PSMA1: variants seen among roughly 807,000 people sequenced by gnomAD.
PSMA1 encodes the protein proteasome 20S subunit alpha 1, also known as proteasome subunit alpha type-1.
Under a neutral mutation model 38.4 loss-of-function variants are expected in PSMA1, and 3 were observed. The ratio of observed to expected loss-of-function variants is 0.08; its 90% CI spans 0.04 to 0.20. The LOEUF is 0.20. Among genes scored for constraint, PSMA1 ranks in the 10% least tolerant of loss-of-function variants. PSMA1 has a pLI of 1.00. For missense variants in PSMA1, 227 were observed against 325.3 expected (o/e 0.70, Z 2.32); for synonymous variants, 101 against 107.1 (o/e 0.94, Z 0.35).
chr11:14,616,256 CAG>C (rs1378436388), intron 1 of PSMA1, among the ~76,000 whole-genome samples: 2 of 124,866 alleles, frequency 1.6e-5, no homozygotes, highest in Non-Finnish European at 3.2e-5. Context: ...TTTTTTGAGA[CAG>C]AGTCTTGCTC....
chr11:14,517,688 T>C lies in PSMA1; in HGVS notation c.208A>G (p.Ile70Val). The C allele has an allele frequency of 3.1e-6, 5 of 1,609,184 alleles. No homozygotes were observed. The highest frequency in any genetic ancestry group is 4.2e-6 in the Non-Finnish European group (5 of 1,179,130). Residue 70 changes from isoleucine to valine, a missense_variant, in exon 4 of 10, where the codon ATT becomes GTT. Physicochemically the swap from Ile to Val is conservative, Grantham distance 29. Coordinates refer to ENST00000396394, the MANE Select transcript of PSMA1 (RefSeq NM_002786.4). ...GTAAGCCCCGCAATTGAGATACCAA[T>C]ATGGTTGTCAACATGGAGAATTTTT... ...QKKILHVDNHIGISIAGLTAD... is the reference protein window; with the variant it reads ...QKKILHVDNHVGISIAGLTAD...
chr11:14,633,813 G>A (rs57216871), intron 1 of PSMA1, among the ~76,000 whole-genome samples: 29 of 152,282 alleles, frequency 1.9e-4, no homozygotes, highest in Non-Finnish European at 3.4e-4. Context: ...AGGACCCTCC[G>A]AGCCAGGTGC....
In PSMA1 at chr11:14,606,598, A is replaced by T. The variant is rs116818343; in HGVS notation, c.21+4368T>A. The stretch of plus-strand genomic sequence containing the variant: ...AACTACTGATGTATTCAGTAATTGG[A>T]TGTTTCTAATTCATGTGCATCAAAA... On this transcript the variant is annotated intron_variant, in intron 2 of 10. Coordinates refer to the PSMA1 transcript ENST00000418988. 8.6e-3 allele frequency among the ~76,000 whole-genome samples: 1,313 copies of T among 152,334 alleles called. 15 individuals carry two copies. The highest frequency in any genetic ancestry group is 0.03 in the African/African-American group (1,254 of 41,568).
At chr11:14,561,954 T>C (rs944430176) in intron 2 of PSMA1, among the ~76,000 whole-genome samples, 1 of 152,222 alleles carries the variant, frequency 6.6e-6, no homozygotes, top group African/African-American at 2.4e-5. Flanking sequence ...TCTAGATACC[T>C]TAAACAGAAG....
upstream of PSMA1, among the ~76,000 whole-genome samples, chr11:14,521,857 T>G (rs180978755): frequency 3.3e-5 from 5 of 152,160 alleles, no homozygotes; most frequent in Admixed American, 6.5e-5. Flanking sequence ...GAGGTTACCT[T>G]CTCTAATTCA....
chr11:14,513,721 C>A, intron 6 of PSMA1, 22 bp from the exon 7 acceptor site: 1 of 1,557,936 alleles, frequency 6.4e-7, no homozygotes, highest in Non-Finnish European at 8.6e-7. Context: ...AATAAATACA[C>A]CACATAATTA....
At chr11:14,611,250 C>T in intron 1 of PSMA1, 1 of 448,844 alleles carries the variant, frequency 2.2e-6, no homozygotes, top group Non-Finnish European at 4.0e-6. Context: ...CTCTTCTCCT[C>T]TCCTGGGGGT....
At chr11:14,553,669 C>G (rs149574631) in intron 2 of PSMA1, among the ~76,000 whole-genome samples, 119 of 151,548 alleles carry the variant, frequency 7.9e-4, no homozygotes, top group African/African-American at 2.6e-3. Flanking sequence ...CTTTTTATTA[C>G]TGAGTAGTAT....
chr11:14,520,140 C>A (rs1162604165), intron 1 of PSMA1, 157 bp downstream of exon 1: 2 of 1,206,116 alleles, frequency 1.7e-6, no homozygotes, highest in Admixed American at 1.9e-5. Flanking sequence ...CCCGGCCAGG[C>A]CGGAGATGCT....
chr11:14,570,890 GAC>G (rs751083358), intron 2 of PSMA1, among the ~76,000 whole-genome samples: 1 of 152,094 alleles, frequency 6.6e-6, no homozygotes, highest in Non-Finnish European at 1.5e-5. Flanking sequence ...GCAACTCCAA[GAC>G]ACATAATTAT....
intron 2 of PSMA1, among the ~76,000 whole-genome samples, chr11:14,551,320 G>A (rs1010793662): frequency 7.2e-5 from 11 of 152,124 alleles, no homozygotes; most frequent in African/African-American, 2.2e-4. Flanking sequence ...GAAATTATAT[G>A]GCTTTCAGAG....
chr11:14,636,289 T>G (rs1398799941), intron 1 of PSMA1, among the ~76,000 whole-genome samples: 1 of 152,212 alleles, frequency 6.6e-6, no homozygotes, highest in East Asian at 1.9e-4. Flanking sequence ...CACCCGTGGT[T>G]ACTTTCCTGT....
At chr11:14,572,463 C>T (rs971558837) in intron 2 of PSMA1, among the ~76,000 whole-genome samples, 18 of 152,130 alleles carry the variant, frequency 1.2e-4, no homozygotes, top group African/African-American at 4.1e-4. Flanking sequence ...TCTTTGAAAA[C>T]AGTGAGAACA....
chr11:14,522,471 T>C (rs1851541611), upstream of PSMA1, among the ~76,000 whole-genome samples: 3 of 152,202 alleles, frequency 2.0e-5, no homozygotes, highest in African/African-American at 7.2e-5. Context: ...GTTATATCCA[T>C]TTAATATTCT....
chr11:14,596,078 C>G lies in PSMA1; in HGVS notation c.21+14888G>C, dbSNP rs557893903. 2.9e-4 allele frequency among the ~76,000 whole-genome samples: 44 copies of G among 152,178 alleles called. 1 individual carries two copies. The highest frequency in any genetic ancestry group is 4.9e-4 in the Non-Finnish European group (33 of 67,996). ...TAGATGTGTGGTATTATTTCTGAAG[C>G]CTCTGTTCTGTTCCATTGGTCTATG... On this transcript the variant is annotated intron_variant, in intron 2 of 10. Coordinates refer to the PSMA1 transcript ENST00000418988.
At chr11:14,630,518 C>T (rs1263776687) in intron 1 of PSMA1, among the ~76,000 whole-genome samples, 1 of 152,166 alleles carries the variant, frequency 6.6e-6, no homozygotes, top group Non-Finnish European at 1.5e-5. Context: ...ATGAAGCCCA[C>T]TTGGTCATGG....
At chr11:14,529,598 CTG>C (rs1455095864) in intron 2 of PSMA1, among the ~76,000 whole-genome samples, 3 of 152,190 alleles carry the variant, frequency 2.0e-5, no homozygotes, top group Non-Finnish European at 4.4e-5. Context: ...TACTACAGTT[CTG>C]TGATTAAGGG....
At chr11:14,531,054 T>C (rs1589984608) in intron 2 of PSMA1, among the ~76,000 whole-genome samples, 2 of 152,194 alleles carry the variant, frequency 1.3e-5, no homozygotes, top group South Asian at 2.1e-4. Flanking sequence ...GAAATATTTA[T>C]AGGAAAATTG....
intron 9 of PSMA1, 65 bp downstream of exon 9, chr11:14,507,591 A>G: frequency 9.0e-7 from 1 of 1,116,442 alleles, no homozygotes. Context: ...AAATTTACAG[A>G]CACAGTTGTG....
Sources: allele counts gnomAD v4.1 joint callset (sites outside exome capture counted in the v4.1 genomes callset), GRCh38; gene constraint gnomAD v4.1.1; transcripts MANE v1.5; gene names NCBI Gene and HGNC (gene_info 2026-07-23, HGNC 2026-07-21).